Variants in INMT observed in about 807,000 individuals in gnomAD.
INMT encodes the protein indolethylamine N-methyltransferase, also known as amine N-methyltransferase.
A neutral mutation model predicts 11.5 loss-of-function variants in INMT; 11 were observed. The observed-to-expected ratio is 0.95, with a 90% CI of 0.60 to 1.58. The LOEUF (loss-of-function observed/expected upper bound fraction) is 1.58. INMT is among the 40% of genes most tolerant of loss of function. The pLI is 0.00. For synonymous variants in INMT, 155 were observed against 142.9 expected, an observed-to-expected ratio of 1.08 and a Z score of -0.60; for missense variants, 316 against 336.1, an observed-to-expected ratio of 0.94 and a Z score of 0.47.
Position 30,755,583 on chromosome 7 carries a change from C to G in INMT, c.524C>G (p.Ala175Gly). ...GAGTGTGCCTGCTGTAGCCTTGATG[C>G]CTACCGCGCTGCCCTGTGCAACCTT... ...AMECACCSLDAYRAALCNLAS... is the reference protein window; with the variant it reads ...AMECACCSLDGYRAALCNLAS... Residue 175 changes from alanine (A) to glycine (G), a missense_variant, in exon 3 of 3, where the codon GCC becomes GGC. Ala to Gly is a moderately conservative substitution (Grantham distance 60). Coordinates refer to ENST00000013222, the MANE Select transcript of INMT (RefSeq NM_006774.5). 3.1e-6 allele frequency: 5 copies of G among 1,613,998 alleles called. No homozygotes were observed. Among genetic ancestry groups the G allele is most frequent in the Non-Finnish European group, 4.2e-6 (5 of 1,180,046 alleles).
chr7:30,755,909 T>TAG lies in INMT; in HGVS notation c.*63_*64dup. 1 of 1,543,224 alleles carries TAG rather than the reference T, an allele frequency of 6.5e-7. No individual in the cohort carries two copies. Among genetic ancestry groups the TAG allele is most frequent in the Non-Finnish European group, 8.7e-7 (1 of 1,148,714 alleles). On this transcript the variant is annotated 3_prime_UTR_variant, in exon 3 of 3. Transcript: ENST00000013222. Reference sequence around the variant, plus strand: ...TGTGAGGCCTTGGCCATCTGTATGCTAGAGAGGGGTGAGGAATGGATACTG... The same window carrying TAG: ...TGTGAGGCCTTGGCCATCTGTATGCTAGAGAGAGGGGTGAGGAATGGATACTG...
chr7:30,756,309 C>A lies in INMT; in HGVS notation c.*458C>A. On this transcript the variant is annotated 3_prime_UTR_variant, in exon 3 of 3. Coordinates refer to ENST00000013222, the MANE Select transcript of INMT (RefSeq NM_006774.5). The stretch of plus-strand genomic sequence containing the variant: ...AGAGTGCAATGGCACGATCTCGGCT[C>A]ACTGCAAGCTCTGCGTCCTGGGTTG... 4 of 772,974 alleles carry A rather than the reference C, an allele frequency of 5.2e-6. No homozygotes were observed. The highest frequency in any genetic ancestry group is 6.3e-6 in the Non-Finnish European group (4 of 636,222). 47.9% of individuals were successfully genotyped at this position (772,974 alleles called of 1,614,324 possible). A position where few individuals can be genotyped will look rare whatever the true frequency, so the allele number is the denominator to read the frequency against.
rs948177436 is a variant in INMT at position 30,754,766 on chromosome 7, A to C, written c.363-656A>C. ...CTGTACCTGTGTGACTGACTATATA[A>C]TGTATAATGACGTGAACTCACCACC... On this transcript the variant is annotated intron_variant, in intron 2 of 2. Coordinates refer to ENST00000013222, the MANE Select transcript of INMT (RefSeq NM_006774.5). The surrounding 1 kb of genome is among the most constrained non-coding windows in gnomAD (Gnocchi z 4.9). Among the ~76,000 whole-genome samples, 2 of 152,190 alleles carry C rather than the reference A, an allele frequency of 1.3e-5. No individual in the cohort carries two copies. Among genetic ancestry groups the C allele is most frequent in the African/African-American group, 4.8e-5 (2 of 41,446 alleles).
Position 30,756,325 on chromosome 7 carries a change from T to C in INMT, c.*474T>C. ...ATCTCGGCTCACTGCAAGCTCTGCG[T>C]CCTGGGTTGACGCCATTCTCCTGCC... On this transcript the variant is annotated 3_prime_UTR_variant, in exon 3 of 3. Coordinates refer to ENST00000013222, the MANE Select transcript of INMT (RefSeq NM_006774.5). 7.7e-6 allele frequency: 5 copies of C among 648,864 alleles called. No individual in the cohort carries two copies. The highest frequency in any genetic ancestry group is 9.5e-6 in the Non-Finnish European group (5 of 523,704). 40.2% of individuals were successfully genotyped at this position (648,864 alleles called of 1,614,324 possible).
chr7:30,753,985 C>A (rs1204540913), intron 2 of INMT, 47 bp downstream of exon 2: 1 of 1,580,952 alleles, frequency 6.3e-7, no homozygotes, highest in African/African-American at 1.3e-5. Flanking sequence ...AACCTTCTTT[C>A]TCAGAAGTCT....
rs1169343206 is a variant in INMT, at chr7:30,753,862, A to C, written c.286A>C (p.Lys96Gln). 1 of 1,614,114 alleles carries C rather than the reference A, an allele frequency of 6.2e-7. No homozygotes were observed. The highest frequency in any genetic ancestry group is 8.5e-7 in the Non-Finnish European group (1 of 1,180,050). Residue 96 changes from lysine (K) to glutamine (Q), a missense_variant, in exon 2 of 3, where the codon AAG becomes CAG. Physicochemically the swap from Lys to Gln is moderately conservative, Grantham distance 53. Coordinates refer to ENST00000013222, the MANE Select transcript of INMT (RefSeq NM_006774.5). ...FTDRNREELE[K>Q]WLKKEPGAYD... ...CGACCGCAACCGGGAGGAGCTGGAA[A>C]AGTGGCTGAAGAAGGAGCCGGGGGC...
rs752552274 is a variant in INMT at position 30,753,963 on chromosome 7, G to A, written c.362+25G>A. On this transcript the variant is annotated intron_variant, in intron 2 of 2. Transcript: ENST00000013222. ...GGTAGGGGTGCAGAGGTTGGGGAGGGGGTTCCCAGTCAACCTTCTTTCTCA... is the reference window on the plus strand; with the variant it reads ...GGTAGGGGTGCAGAGGTTGGGGAGGAGGTTCCCAGTCAACCTTCTTTCTCA... 5 of 1,606,892 alleles carry A rather than the reference G, an allele frequency of 3.1e-6. No individual in the cohort carries two copies. The African/African-American group carries it at 4.0e-5, about 13-fold the overall frequency.
Position 30,754,830 on chromosome 7 carries a change from CT to C in INMT, c.363-590del, listed in dbSNP as rs2128160371. ...CGAATATAATAAAGACTTACCTGTG[CT>C]TCTCTGTGACTCCTTGCCTCTGCCT... On this transcript the variant is annotated intron_variant, in intron 2 of 2. Transcript: ENST00000013222. This position sits in a 1 kb window ranked among gnomAD's most constrained non-coding sequence, Gnocchi z 4.9. 6.6e-6 allele frequency among the ~76,000 whole-genome samples: 1 copy of C among 152,350 alleles called. No individual in the cohort carries two copies. Among genetic ancestry groups the C allele is most frequent in the Non-Finnish European group, 1.5e-5 (1 of 68,034 alleles).
chr7:30,755,906 T>C lies in INMT; in HGVS notation c.*55T>C. The C allele has an allele frequency of 6.4e-7, 1 of 1,553,426 alleles. No homozygotes were observed. The highest frequency in any genetic ancestry group is 8.7e-7 in the Non-Finnish European group (1 of 1,152,714). The stretch of plus-strand genomic sequence containing the variant: ...GGCTGTGAGGCCTTGGCCATCTGTA[T>C]GCTAGAGAGGGGTGAGGAATGGATA... On this transcript the variant is annotated 3_prime_UTR_variant, in exon 3 of 3. Transcript: ENST00000013222.
In INMT at chr7:30,753,717, T is replaced by G. The variant is rs1399109902; in HGVS notation, c.155-14T>G. The G allele has an allele frequency of 1.9e-6, 3 of 1,612,380 alleles. No homozygotes were observed. Among genetic ancestry groups the G allele is most frequent in the Admixed American group, 1.7e-5 (1 of 59,998 alleles). Reference sequence around the variant, plus strand: ...TTCTTTTACCCATCCATTACCAGTCTTTCCCTCCCACAGGAGGCCTCCAAG... The same window carrying G: ...TTCTTTTACCCATCCATTACCAGTCGTTCCCTCCCACAGGAGGCCTCCAAG... On this transcript the variant is annotated splice_polypyrimidine_tract_variant and intron_variant, in intron 1 of 2. Transcript: ENST00000013222.
At chr7:30,753,693 T>C (rs746065551) in intron 1 of INMT, 38 bp from the exon 2 acceptor site, 1 of 1,586,632 alleles carries the variant, frequency 6.3e-7, no homozygotes, top group East Asian at 2.2e-5. Flanking sequence ...GGGTCTCGTT[T>C]CTTTTACCCA....
rs1411449755 is a variant in INMT, at chr7:30,757,009, G to A, written c.*1158G>A. 3 of 152,360 alleles carry A rather than the reference G, an allele frequency of 2.0e-5. No homozygotes were observed. Among genetic ancestry groups the A allele is most frequent in the Non-Finnish European group, 4.4e-5 (3 of 68,138 alleles). The allele number at this position is 152,360 out of a possible 1,614,324, so 9.4% of individuals were successfully genotyped here. A position where few individuals can be genotyped will look rare whatever the true frequency, so the allele number is the denominator to read the frequency against. On this transcript the variant is annotated 3_prime_UTR_variant, in exon 3 of 3. Transcript: ENST00000013222. ...TTAAGTATGTCCCCAGAACTGCATG[G>A]AACATGCTTAATCTAAACAATGATT...
chr7:30,752,292 A>T lies in INMT; in HGVS notation c.142A>T (p.Thr48Ser). Residue 48 changes from threonine (T) to serine (S), a missense_variant, in exon 1 of 3, where the codon ACC becomes TCC. Transcript: ENST00000013222. ...GTTTAACTTGGAATGTCTCCACAAG[A>T]CCTTCGGCCCTGGTGAGCAGAGGGT... is the stretch of plus-strand genomic sequence containing the variant. ...LKFNLECLHK[T>S]FGPGGLQGDT... 1 of 1,613,884 alleles carries T rather than the reference A, an allele frequency of 6.2e-7. No individual in the cohort carries two copies.
At chr7:30,755,347 C>A in intron 2 of INMT, 75 bp from the exon 3 acceptor site, 1 of 1,312,042 alleles carries the variant, frequency 7.6e-7, no homozygotes, top group Non-Finnish European at 1.0e-6. Context: ...TCATCTCCAT[C>A]TGCTGGTCAC....
chr7:30,756,045 G>T lies in INMT; in HGVS notation c.*194G>T. On this transcript the variant is annotated 3_prime_UTR_variant, in exon 3 of 3. Coordinates refer to ENST00000013222, the MANE Select transcript of INMT (RefSeq NM_006774.5). ...CAACATTCCTCATTCTAGGATCCTA[G>T]GAGTGGAATTTTCCATTTTCTAATA... 7.1e-7 allele frequency: 1 copy of T among 1,403,346 alleles called. No individual in the cohort carries two copies. The highest frequency in any genetic ancestry group is 9.2e-7 in the Non-Finnish European group (1 of 1,082,552). 86.9% of individuals were successfully genotyped at this position (1,403,346 alleles called of 1,614,324 possible). A position where few individuals can be genotyped will look rare whatever the true frequency, so the allele number is the denominator to read the frequency against.
rs1554357946 is a variant in INMT at position 30,756,408 on chromosome 7, T to TTTTTATTTATTTATTTA, written c.*561_*562insATTTATTTATTTATTTT. The TTTTTATTTATTTATTTA allele has an allele frequency of 1.4e-5, 2 of 139,712 alleles. No homozygotes were observed. The highest frequency in any genetic ancestry group is 5.9e-5 in the African/African-American group (2 of 33,790). 8.7% of individuals were successfully genotyped at this position (139,712 alleles called of 1,614,324 possible). A position where few individuals can be genotyped will look rare whatever the true frequency, so the allele number is the denominator to read the frequency against. ...TCGCCACCACACCCAGCTAATTTTT[T>TTTTTATTTATTTATTTA]TTTTTTTTTTTTTATTTGAGACGGA... On this transcript the variant is annotated 3_prime_UTR_variant, in exon 3 of 3. Coordinates refer to ENST00000013222, the MANE Select transcript of INMT (RefSeq NM_006774.5).
Position 30,753,825 on chromosome 7 carries a change from C to G in INMT, c.249C>G (p.Leu83=), listed in dbSNP as rs1239839059. 3.7e-6 allele frequency: 6 copies of G among 1,614,136 alleles called. No homozygotes were observed. The African/African-American group carries it at 4.0e-5, about 11-fold the overall frequency. ...GTGATTCCTTCCAAGACATCACTCT[C>G]TCCGACTTTACCGACCGCAACCGGG... ...AACDSFQDIT[L]SDFTDRNREE... Residue 83 remains leucine (L), a synonymous_variant, in exon 2 of 3, where the codon CTC becomes CTG. Coordinates refer to ENST00000013222, the MANE Select transcript of INMT (RefSeq NM_006774.5).
rs1786283601 is a variant in INMT at position 30,757,108 on chromosome 7, G to C, written c.*1257G>C. The C allele has an allele frequency of 6.6e-6, 1 of 152,630 alleles. No homozygotes were observed. The highest frequency in any genetic ancestry group is 2.4e-5 in the African/African-American group (1 of 41,472). 9.5% of individuals were successfully genotyped at this position (152,630 alleles called of 1,614,324 possible). ...TGGCAACCCTACTTCAGACCCAGGT[G>C]TAAGGTACATGGATGTGCTTTGGTC... is the stretch of plus-strand genomic sequence containing the variant. On this transcript the variant is annotated 3_prime_UTR_variant, in exon 3 of 3. Coordinates refer to ENST00000013222, the MANE Select transcript of INMT (RefSeq NM_006774.5).
In INMT at chr7:30,756,213, C is replaced by T. The variant is rs1051436507; in HGVS notation, c.*362C>T. 12 of 1,025,750 alleles carry T rather than the reference C, an allele frequency of 1.2e-5. No homozygotes were observed. The highest frequency in any genetic ancestry group is 4.8e-4 in the Middle Eastern group (1 of 2,074). The allele number at this position is 1,025,750 out of a possible 1,614,324, so 63.5% of individuals were successfully genotyped here. On this transcript the variant is annotated 3_prime_UTR_variant, in exon 3 of 3. Transcript: ENST00000013222. ...CCTAATATGTTAAGGACAAGGAAAC[C>T]TCTGGACAGTGGTATATTGGGGAAT...
Sources: allele counts gnomAD v4.1 joint callset (sites outside exome capture counted in the v4.1 genomes callset), GRCh38; gene constraint gnomAD v4.1.1; non-coding constraint Gnocchi (gnomAD v3.1); transcripts MANE v1.5; gene names NCBI Gene and HGNC (gene_info 2026-07-23, HGNC 2026-07-21).